NR4A1: variants seen among roughly 807,000 people sequenced by gnomAD.
The protein encoded by NR4A1 is nuclear receptor subfamily 4immunitygroup A member 1.
A neutral mutation model predicts 47.5 loss-of-function variants in NR4A1; 24 were observed. The ratio of observed to expected loss-of-function variants is 0.50; its 90% CI spans 0.37 to 0.71. The LOEUF (loss-of-function observed/expected upper bound fraction) is 0.71. NR4A1 is among the 30% of genes least tolerant of loss of function. The pLI is 0.00. For missense variants in NR4A1, 669 were observed against 788.6 expected (o/e 0.85, Z 1.82); for synonymous variants, 353 against 345.7 (o/e 1.02, Z -0.24).
exon 2 of NR4A1, chr12:52,041,915 G>C (rs1398155287): frequency 2.0e-6 from 3 of 1,489,132 alleles, no homozygotes; most frequent in Non-Finnish European, 2.7e-6. Flanking sequence ...AAGGCCTGTT[G>C]GTCCATCCAG....
At chr12:52,035,096 A>G (rs1313145932) in intron 1 of NR4A1, among the ~76,000 whole-genome samples, 1 of 152,194 alleles carries the variant, frequency 6.6e-6, no homozygotes, top group African/African-American at 2.4e-5. Context: ...AGGGCAGAGC[A>G]GGGAGGAGAA....
chr12:52,032,031 A>G (rs1938138990), intron 1 of NR4A1, among the ~76,000 whole-genome samples: 1 of 152,090 alleles, frequency 6.6e-6, no homozygotes, highest in Admixed American at 6.6e-5. Context: ...CCCGGCCTCA[A>G]GTGATCCGCC....
chr12:52,059,150 TCC>T lies in NR4A1; in HGVS notation c.*212_*213del, dbSNP rs1036600832. The T allele has an allele frequency of 6.3e-6, 4 of 637,824 alleles. No individual in the cohort carries two copies. The Admixed American group carries it at 1.3e-4, about 21-fold the overall frequency. The allele number at this position is 637,824 out of a possible 1,614,324, so 39.5% of individuals were successfully genotyped here. The stretch of plus-strand genomic sequence containing the variant: ...GGGGGTGACCCCACGATTTGTCTTA[TCC>T]CCCCCAGCCTGGCCCCGGCCTTTAT... On this transcript the variant is annotated 3_prime_UTR_variant, in exon 7 of 7. Transcript: ENST00000394825.
chr12:52,052,333 G>GAA (rs1453798836), intron 1 of NR4A1: 5 of 168,398 alleles, frequency 3.0e-5, no homozygotes, highest in African/African-American at 1.2e-4. Context: ...GAGAGAAAGA[G>GAA]AGACAGAGGT....
chr12:52,045,717 A>G (rs1938608741), intron 2 of NR4A1: 1 of 309,536 alleles, frequency 3.2e-6, no homozygotes, highest in Non-Finnish European at 6.6e-6. Context: ...CCCTGCTGAG[A>G]GCTGAGGGGA....
chr12:52,041,609 C>A (rs1046220420), intron 1 of NR4A1, among the ~76,000 whole-genome samples: 2 of 152,208 alleles, frequency 1.3e-5, no homozygotes, highest in Admixed American at 1.3e-4. Context: ...ACACCCTACA[C>A]CCCTGGAAGC....
intron 1 of NR4A1, among the ~76,000 whole-genome samples, chr12:52,029,668 A>G (rs543921034): frequency 1.8e-4 from 25 of 141,706 alleles, no homozygotes; most frequent in African/African-American, 6.6e-4. Context: ...AGCCTGGGCA[A>G]CAGAATGAGA....
chr12:52,057,461 A>G lies in NR4A1; in HGVS notation c.1471A>G (p.Arg491Gly), dbSNP rs749290730. Residue 491 changes from arginine (R) to glycine (G), a missense_variant, in exon 6 of 7, where the codon AGG (arginine) becomes GGG (glycine). By Grantham distance (125) the Arg-to-Gly change is moderately radical. Coordinates refer to ENST00000394825, the MANE Select transcript of NR4A1 (RefSeq NM_173157.3). ...DWIDSILAFS[R>G]SLHSLLVDVP... is the part of the protein sequence containing the mutation. ...GATTGACAGTATCCTGGCCTTCTCA[A>G]GGTCCCTGCACAGCTTGCTTGTCGA... The G allele has an allele frequency of 4.8e-5, 78 of 1,614,084 alleles. 1 individual carries two copies. The highest frequency in any genetic ancestry group is 4.0e-4 in the South Asian group (36 of 91,088).
At chr12:52,033,538 C>T (rs967189589) in intron 1 of NR4A1, among the ~76,000 whole-genome samples, 3 of 152,194 alleles carry the variant, frequency 2.0e-5, no homozygotes, top group African/African-American at 7.2e-5. Context: ...GGTCTGGAGA[C>T]CTTGGCCACT....
rs145158650 is a variant in NR4A1, at chr12:52,040,244, G to T, written c.-83-1566G>T. On this transcript the variant is annotated intron_variant, in intron 1 of 7. Transcript: ENST00000360284. ...AGGGGGGCATTTTGATCTGGAACAA[G>T]TGGGGAAACAGATACCTGTTTGAAG... is the stretch of plus-strand genomic sequence containing the variant. 2.3e-3 allele frequency among the ~76,000 whole-genome samples: 355 copies of T among 152,308 alleles called. 2 individuals carry two copies. Among genetic ancestry groups the T allele is most frequent in the African/African-American group, 8.2e-3 (342 of 41,558 alleles).
Position 52,056,021 on chromosome 12 carries a change from C to T in NR4A1, c.877-9C>T. The stretch of plus-strand genomic sequence containing the variant: ...CTGACAGCTTGTTCCGTGTTGCCCC[C>T]CCACCCAGCGCACAGTGCAGAAAAA... On this transcript the variant is annotated splice_polypyrimidine_tract_variant and intron_variant, in intron 2 of 6. Transcript: ENST00000394825. 6.8e-7 allele frequency: 1 copy of T among 1,479,320 alleles called. No homozygotes were observed. Among genetic ancestry groups the T allele is most frequent in the Non-Finnish European group, 9.0e-7 (1 of 1,111,064 alleles). The allele number at this position is 1,479,320 out of a possible 1,614,324, so 91.6% of individuals were successfully genotyped here. A position where few individuals can be genotyped will look rare whatever the true frequency, so the allele number is the denominator to read the frequency against.
chr12:52,050,912 C>T (rs1285660681), upstream of NR4A1, among the ~76,000 whole-genome samples: 2 of 152,142 alleles, frequency 1.3e-5, no homozygotes, highest in Admixed American at 6.5e-5. Flanking sequence ...CCAGGAAGGG[C>T]TTGGGAAGGT....
At position 52,058,761 on chromosome 12, in the gene NR4A1, C is replaced by T. The variant is rs773644090; in HGVS notation, c.1614C>T (p.His538=). 80 of 1,612,594 alleles carry T rather than the reference C, an allele frequency of 5.0e-5. No individual in the cohort carries two copies. The highest frequency in any genetic ancestry group is 5.4e-5 in the Non-Finnish European group (64 of 1,179,664). Residue 538 remains histidine (H), a synonymous_variant, in exon 7 of 7, where the codon CAC becomes CAT. Transcript: ENST00000394825. Reference sequence around the variant, plus strand: ...GCATCGCCAGCTGCCTGAAGGAGCACGTGGCAGCTGTGGCGGGCGAGCCCC... The same window carrying T: ...GCATCGCCAGCTGCCTGAAGGAGCATGTGGCAGCTGTGGCGGGCGAGCCCC... ...QNRIASCLKE[H]VAAVAGEPQP... is the part of the protein sequence containing the mutation.
upstream of NR4A1, among the ~76,000 whole-genome samples, chr12:52,051,128 G>C (rs1286105143): frequency 6.6e-6 from 1 of 152,206 alleles, no homozygotes; most frequent in Non-Finnish European, 1.5e-5. Context: ...GGGGAGCCTA[G>C]TGGGCCTGGG....
intron 1 of NR4A1, among the ~76,000 whole-genome samples, chr12:52,035,127 T>C (rs561841900): frequency 6.6e-6 from 1 of 152,330 alleles, no homozygotes; most frequent in African/African-American, 2.4e-5. Flanking sequence ...GTGCCTGCTG[T>C]GTACAAGGTA....
upstream of NR4A1, chr12:52,051,435 G>A (rs1382320990): frequency 5.1e-6 from 5 of 985,612 alleles, no homozygotes; most frequent in Non-Finnish European, 6.0e-6. Context: ...GTCGGGCTCG[G>A]CCGGGGAGTC....
rs1216969570 is a variant in NR4A1, at chr12:52,054,346, C to T, written c.18C>T (p.Ala6=). Residue 6 remains alanine (A), a synonymous_variant, in exon 2 of 7, where the codon GCC becomes GCT. Coordinates refer to ENST00000394825, the MANE Select transcript of NR4A1 (RefSeq NM_173157.3). The stretch of plus-strand genomic sequence containing the variant: ...CTCCAGAGATGCCCTGTATCCAAGC[C>T]CAATATGGGACACCAGCACCGAGTC... MPCIQ[A]QYGTPAPSPG... 7.4e-6 allele frequency: 12 copies of T among 1,610,880 alleles called. No homozygotes were observed. Among genetic ancestry groups the T allele is most frequent in the Non-Finnish European group, 1.0e-5 (12 of 1,178,198 alleles).
chr12:52,051,464 A>G lies in NR4A1; in HGVS notation c.-107A>G, dbSNP rs945889219. ...GGGAGTCCCAGTGGCGGAGGCTACG[A>G]AACTTGGGGGAGTGCACAGAAGAAC... On this transcript the variant is annotated 5_prime_UTR_variant, in exon 1 of 7. Coordinates refer to ENST00000394825, the MANE Select transcript of NR4A1 (RefSeq NM_173157.3). The G allele has an allele frequency of 1.0e-6, 1 of 985,412 alleles. No homozygotes were observed. The highest frequency in any genetic ancestry group is 1.7e-5 in the African/African-American group (1 of 57,232). The allele number at this position is 985,412 out of a possible 1,614,324, so 61.0% of individuals were successfully genotyped here. A position where few individuals can be genotyped will look rare whatever the true frequency, so the allele number is the denominator to read the frequency against.
chr12:52,026,430 G>A (rs1938000998), intron 1 of NR4A1, among the ~76,000 whole-genome samples: 1 of 152,206 alleles, frequency 6.6e-6, no homozygotes, highest in African/African-American at 2.4e-5. Flanking sequence ...TCCAAACATT[G>A]TCTAATTATA....
Sources: gnomAD v4.1 joint callset for allele counts (sites outside exome capture counted in the v4.1 genomes callset) on GRCh38, gnomAD v4.1.1 for gene constraint, MANE v1.5 for transcripts, NCBI Gene and HGNC (gene_info 2026-07-23, HGNC 2026-07-21) for gene names.